Variants in NDRG3 observed in about 807,000 individuals in gnomAD.
NDRG3 encodes the protein protein NDRG3.
A neutral mutation model predicts 57.2 loss-of-function variants in NDRG3; 23 were observed. The ratio of observed to expected loss-of-function variants is 0.40; its 90% CI spans 0.29 to 0.57. The LOEUF is 0.57. Ranked by LOEUF, NDRG3 falls within the 20% of genes least tolerant of loss-of-function variation. The probability of loss-of-function intolerance (pLI) is 0.42; values close to 1 mark genes in which losing one functional copy is unlikely to be tolerated. For synonymous variants in NDRG3, 132 were observed against 162.6 expected (o/e 0.81, Z 1.43); for missense variants, 384 against 457.3 (o/e 0.84, Z 1.46).
At chr20:36,696,614 C>A (rs1266278284) in intron 3 of NDRG3, among the ~76,000 whole-genome samples, 2 of 152,082 alleles carry the variant, frequency 1.3e-5, no homozygotes, top group Non-Finnish European at 2.9e-5. Context: ...CTGCCTCAGC[C>A]TCCCAAGTAG....
intron 1 of NDRG3, among the ~76,000 whole-genome samples, chr20:36,725,944 T>C (rs1344394906): frequency 6.6e-6 from 1 of 151,192 alleles, no homozygotes; most frequent in East Asian, 1.9e-4. Flanking sequence ...TTTTTTTTTT[T>C]TTGAGATGGG....
intron 8 of NDRG3, among the ~76,000 whole-genome samples, chr20:36,680,520 ATTT>A: frequency 6.6e-6 from 1 of 151,752 alleles, no homozygotes; most frequent in Non-Finnish European, 1.5e-5. Flanking sequence ...TATGATTCCA[ATTT>A]AACAGATAAA....
At chr20:36,660,206 T>C (rs1451091653) in intron 13 of NDRG3, 131 bp downstream of exon 13, 3 of 704,304 alleles carry the variant, frequency 4.3e-6, no homozygotes, top group Admixed American at 5.5e-5. Flanking sequence ...GGACTCTGTC[T>C]CAAAGAAAAA....
At chr20:36,730,191 G>A (rs528970197) in intron 1 of NDRG3, among the ~76,000 whole-genome samples, 1 of 151,066 alleles carries the variant, frequency 6.6e-6, no homozygotes, top group African/African-American at 2.4e-5. Flanking sequence ...AGGTTGCAGT[G>A]AGGTGAGATT....
intron 10 of NDRG3, among the ~76,000 whole-genome samples, chr20:36,665,987 G>A (rs1417993800): frequency 1.3e-5 from 2 of 152,152 alleles, no homozygotes; most frequent in Middle Eastern, 3.2e-3. Context: ...ACTGAGTTTA[G>A]CACAGGGCTT....
intron 1 of NDRG3, among the ~76,000 whole-genome samples, chr20:36,724,983 A>G (rs1471216638): frequency 6.6e-6 from 1 of 151,446 alleles, no homozygotes; most frequent in Non-Finnish European, 1.5e-5. Context: ...TATAAAAGCA[A>G]TATGTGCTCA....
intron 1 of NDRG3, among the ~76,000 whole-genome samples, chr20:36,730,021 C>A (rs1484523666): frequency 6.6e-6 from 1 of 151,614 alleles, no homozygotes; most frequent in Non-Finnish European, 1.5e-5. Context: ...CCAAGGCGGG[C>A]AGATCACCTG....
At chr20:36,739,375 A>G (rs1985797414) in intron 1 of NDRG3, among the ~76,000 whole-genome samples, 1 of 148,410 alleles carries the variant, frequency 6.7e-6, no homozygotes, top group Non-Finnish European at 1.5e-5. Context: ...TGAACCTGGG[A>G]GGCGGAGGTT....
Position 36,653,355 on chromosome 20 carries a change from G to A in NDRG3, c.*165C>T. ...GTGGTTCTTGGGCTATACAAAAAAGGGGGTGGGCAGGCAGAGAGAATGATA... is the reference window on the plus strand; with the variant it reads ...GTGGTTCTTGGGCTATACAAAAAAGAGGGTGGGCAGGCAGAGAGAATGATA... On this transcript the variant is annotated 3_prime_UTR_variant, in exon 16 of 16. Coordinates refer to ENST00000349004, the MANE Select transcript of NDRG3 (RefSeq NM_032013.4). The surrounding 1 kb of genome is among the most constrained non-coding windows in gnomAD (Gnocchi z 4.2). 1.7e-6 allele frequency: 1 copy of A among 605,518 alleles called. No individual in the cohort carries two copies. The highest frequency in any genetic ancestry group is 2.8e-6 in the Non-Finnish European group (1 of 352,056). The allele number at this position is 605,518 out of a possible 1,614,324, so 37.5% of individuals were successfully genotyped here.
At chr20:36,731,375 A>G (rs567963107) in intron 1 of NDRG3, among the ~76,000 whole-genome samples, 13 of 152,364 alleles carry the variant, frequency 8.5e-5, no homozygotes, top group Middle Eastern at 3.4e-3. Context: ...CAAATGCTGA[A>G]GAAAAAAGGA....
At chr20:36,664,927 G>A (rs1374261108) in intron 12 of NDRG3, 119 bp downstream of exon 12, 10 of 1,004,582 alleles carry the variant, frequency 1.0e-5, no homozygotes, top group African/African-American at 1.6e-5. Context: ...GGGCTCAAGC[G>A]ATCCTCCTGC....
At chr20:36,739,796 G>C (rs926364591) in intron 1 of NDRG3, among the ~76,000 whole-genome samples, 53 of 151,614 alleles carry the variant, frequency 3.5e-4, no homozygotes, top group African/African-American at 1.2e-3. Flanking sequence ...TGTAGTCCCA[G>C]CTACTCGGGA....
intron 9 of NDRG3, among the ~76,000 whole-genome samples, chr20:36,670,513 C>T (rs2148056017): frequency 6.6e-6 from 1 of 152,300 alleles, no homozygotes; most frequent in Non-Finnish European, 1.5e-5. Flanking sequence ...CAGCTCCACA[C>T]TTACAATCTG....
Position 36,715,024 on chromosome 20 carries a change from A to G in NDRG3, c.57+6655T>C, listed in dbSNP as rs866826509. ...TGTGTGTGTATATATATATATATAT[A>G]TATATATATATATATATATATATAT... On this transcript the variant is annotated intron_variant, in intron 2 of 15. Transcript: ENST00000349004. 4.7e-3 allele frequency among the ~76,000 whole-genome samples: 478 copies of G among 101,932 alleles called. 4 individuals carry two copies. The highest frequency in any genetic ancestry group is 0.013 in the Middle Eastern group (3 of 232). 66.9% of individuals were successfully genotyped at this position (101,932 alleles called of 152,430 possible).
rs1385470249 is a variant in NDRG3, at chr20:36,746,074, G to C, written c.-78C>G. The C allele has an allele frequency of 3.4e-6, 1 of 298,050 alleles. No homozygotes were observed. The highest frequency in any genetic ancestry group is 5.7e-6 in the Non-Finnish European group (1 of 176,228). 18.5% of individuals were successfully genotyped at this position (298,050 alleles called of 1,614,324 possible). A position where few individuals can be genotyped will look rare whatever the true frequency, so the allele number is the denominator to read the frequency against. On this transcript the variant is annotated 5_prime_UTR_variant, in exon 1 of 16. Coordinates refer to ENST00000349004, the MANE Select transcript of NDRG3 (RefSeq NM_032013.4). ...GGCGCGGGCACCCGCCGTCAGTGCA[G>C]CAGCAGCGGCGGCGGCGGCGGCGGC...
At chr20:36,732,790 T>C (rs1985357460) in intron 1 of NDRG3, among the ~76,000 whole-genome samples, 2 of 152,018 alleles carry the variant, frequency 1.3e-5, no homozygotes, top group Admixed American at 1.3e-4. Context: ...GGTCTCAGCT[T>C]GTATCTCATT....
At chr20:36,671,080 T>C (rs1980111103) in intron 9 of NDRG3, among the ~76,000 whole-genome samples, 1 of 152,178 alleles carries the variant, frequency 6.6e-6, no homozygotes, top group Admixed American at 6.6e-5. Context: ...GCACGTGATG[T>C]CAAACATTAA....
At chr20:36,677,508 C>G (rs1011870678) in intron 8 of NDRG3, among the ~76,000 whole-genome samples, 1 of 152,176 alleles carries the variant, frequency 6.6e-6, no homozygotes, top group Non-Finnish European at 1.5e-5. Flanking sequence ...AGAGGATGGC[C>G]AGAGGACAAA....
Position 36,656,234 on chromosome 20 carries a change from A to T in NDRG3, c.946+126T>A. The T allele has an allele frequency of 3.8e-6, 3 of 783,062 alleles. No homozygotes were observed. In the South Asian group the frequency reaches 5.4e-5, roughly 14 times the overall value. The allele number at this position is 783,062 out of a possible 1,614,324, so 48.5% of individuals were successfully genotyped here. On this transcript the variant is annotated intron_variant, in intron 15 of 15. Transcript: ENST00000349004. ...CAAATGAATGTTCCATAAACATTTC[A>T]GTTTCTACTTTGCTTAAGGCTAGCT... is the stretch of plus-strand genomic sequence containing the variant.
Sources: gnomAD v4.1 joint callset for allele counts (sites outside exome capture counted in the v4.1 genomes callset) on GRCh38, gnomAD v4.1.1 for gene constraint, Gnocchi (gnomAD v3.1) non-coding constraint, MANE v1.5 for transcripts, NCBI Gene and HGNC (gene_info 2026-07-23, HGNC 2026-07-21) for gene names.